The following HYDIN variants were observed in gnomAD, a reference collection of about 807,000 sequenced individuals.
HYDIN encodes the protein axonemal central pair apparatus protein HYDIN.
A neutral mutation model predicts 403.9 loss-of-function variants in HYDIN; 132 were observed. The observed-to-expected ratio is 0.33, with a 90% CI of 0.28 to 0.38. The LOEUF (loss-of-function observed/expected upper bound fraction) is 0.38. HYDIN is among the 10% of genes least tolerant of loss of function. The pLI, the probability that HYDIN is intolerant of heterozygous loss-of-function variation, is 1.00. For missense variants in HYDIN, 2,827 were observed against 5,009.5 expected, an observed-to-expected ratio of 0.56 and a Z score of 13.15; for synonymous variants, 1,202 against 1,891.7, an observed-to-expected ratio of 0.64 and a Z score of 9.46.
At chr16:71,016,706 A>AAAAGCT (rs1182712942) in intron 23 of HYDIN, among the ~76,000 whole-genome samples, 3 of 145,968 alleles carry the variant, frequency 2.1e-5, no homozygotes, top group Non-Finnish European at 4.5e-5. Context: ...AGATGTAGAA[A>AAAAGCT]AAAGCTAAAT....
chr16:71,190,446 A>G (rs2087377758), intron 1 of HYDIN, among the ~76,000 whole-genome samples: 1 of 152,346 alleles, frequency 6.6e-6, no homozygotes, highest in East Asian at 1.9e-4. Flanking sequence ...CTAAAGCACC[A>G]AACTAATTAT....
At chr16:71,025,214 G>C (rs568745166) in intron 21 of HYDIN, among the ~76,000 whole-genome samples, 169 bp downstream of exon 21, 23 of 151,378 alleles carry the variant, frequency 1.5e-4, no homozygotes, top group African/African-American at 5.6e-4. Flanking sequence ...AGGATTGTAG[G>C]TTTAGATTCA....
At chr16:70,866,805 A>C (rs565616824) in intron 66 of HYDIN, among the ~76,000 whole-genome samples, 11 of 152,194 alleles carry the variant, frequency 7.2e-5, no homozygotes, top group African/African-American at 2.6e-4. Context: ...TGGGTGGATC[A>C]CTTGAGGCTA....
chr16:70,810,133 G>C (rs1335294266), intron 84 of HYDIN, 126 bp from the exon 85 acceptor site: 1 of 868,700 alleles, frequency 1.2e-6, no homozygotes. Context: ...TGCTGTTCTT[G>C]CTCCTGGGGA....
At chr16:71,040,355 ATCCTGCTGCTC>A (rs2081245037) in intron 18 of HYDIN, among the ~76,000 whole-genome samples, 1 of 146,348 alleles carries the variant, frequency 6.8e-6, no homozygotes. Flanking sequence ...CAGTGATCTG[ATCCTGCTGCTC>A]TCCTGCTGGG....
At chr16:71,204,268 T>G (rs551427925) in intron 1 of HYDIN, among the ~76,000 whole-genome samples, 4 of 152,308 alleles carry the variant, frequency 2.6e-5, no homozygotes, top group South Asian at 4.2e-4. Context: ...GAATCAGATT[T>G]CCCTTCACAG....
At chr16:71,038,739 C>T (rs1246589423) in intron 18 of HYDIN, among the ~76,000 whole-genome samples, 1 of 152,264 alleles carries the variant, frequency 6.6e-6, no homozygotes, top group Admixed American at 6.5e-5. Context: ...CGGACCACTG[C>T]AACCTCCGCC....
Position 70,920,813 on chromosome 16 carries a change from C to T in HYDIN, c.7563G>A (p.Thr2521=), listed in dbSNP as rs747621797. The change falls in exon 46 of 86, where the codon ACG becomes ACA. Residue 2521 remains threonine, a synonymous_variant. Transcript: ENST00000393567. ...RERERLEKER[T]EKERLEREKA... ...TCTCCCTCTCCAGGCGCTCCTTCTCCGTGCGCTCCTTCTCCAGGCGCTCTC... is the reference window on the plus strand; with the variant it reads ...TCTCCCTCTCCAGGCGCTCCTTCTCTGTGCGCTCCTTCTCCAGGCGCTCTC... 2.9e-5 allele frequency: 45 copies of T among 1,565,900 alleles called. No individual in the cohort carries two copies. Among genetic ancestry groups the T allele is most frequent in the Non-Finnish European group, 3.6e-5 (41 of 1,154,490 alleles).
intron 7 of HYDIN, among the ~76,000 whole-genome samples, chr16:71,142,459 T>C (rs377137638): frequency 7.0e-5 from 2 of 28,728 alleles, no homozygotes; most frequent in Non-Finnish European, 9.9e-5. Context: ...CCCAGAAATA[T>C]AGCAAAAGCT....
At chr16:71,145,761 A>G (rs1391431026) in intron 7 of HYDIN, among the ~76,000 whole-genome samples, 1 of 152,196 alleles carries the variant, frequency 6.6e-6, no homozygotes, top group Non-Finnish European at 1.5e-5. Flanking sequence ...ACGATCTGCT[A>G]TAGTGAAAGA....
intron 1 of HYDIN, among the ~76,000 whole-genome samples, chr16:71,216,941 A>T (rs2088911263): frequency 6.6e-6 from 1 of 152,218 alleles, no homozygotes; most frequent in Non-Finnish European, 1.5e-5. Context: ...TGTATCAGTG[A>T]GGACTAGACA....
intron 10 of HYDIN, among the ~76,000 whole-genome samples, chr16:71,111,581 G>A (rs1225201004): frequency 6.6e-6 from 1 of 150,386 alleles, no homozygotes; most frequent in Non-Finnish European, 1.5e-5. Flanking sequence ...TGTACCAAGC[G>A]GACTATTTAA....
intron 83 of HYDIN, among the ~76,000 whole-genome samples, chr16:70,824,516 T>G (rs1195292465): frequency 6.6e-6 from 1 of 151,804 alleles, no homozygotes; most frequent in Non-Finnish European, 1.5e-5. Context: ...ATCCTTGTAC[T>G]TTCCTCTTTG....
intron 1 of HYDIN, among the ~76,000 whole-genome samples, chr16:71,197,075 C>G (rs973401715): frequency 3.3e-5 from 5 of 152,112 alleles, no homozygotes; most frequent in African/African-American, 4.8e-5. Flanking sequence ...TCCAAGAACC[C>G]TCTCTTGGGG....
chr16:71,157,095 C>T (rs1298426043), intron 6 of HYDIN, among the ~76,000 whole-genome samples: 1 of 149,248 alleles, frequency 6.7e-6, no homozygotes, highest in Non-Finnish European at 1.5e-5. Context: ...TTATTCTAGA[C>T]AGATGCTGGG....
chr16:70,940,758 G>A (rs548454251), intron 43 of HYDIN, among the ~76,000 whole-genome samples: 3 of 152,310 alleles, frequency 2.0e-5, no homozygotes, highest in East Asian at 1.9e-4. Flanking sequence ...CAAGGACTTC[G>A]ACAGCCCAGT....
At chr16:70,820,091 T>A (rs2036139494) in intron 83 of HYDIN, among the ~76,000 whole-genome samples, 1 of 146,850 alleles carries the variant, frequency 6.8e-6, no homozygotes. Context: ...AAGTGCTGAG[T>A]TTACAGGCTT....
intron 21 of HYDIN, among the ~76,000 whole-genome samples, chr16:71,021,279 T>C (rs1239166893): frequency 1.3e-5 from 2 of 151,468 alleles, no homozygotes; most frequent in African/African-American, 4.9e-5. Context: ...TGCAGTGGTG[T>C]GATCTCAGCT....
chr16:71,109,432 G>T (rs1239638182), intron 10 of HYDIN, among the ~76,000 whole-genome samples: 16 of 137,232 alleles, frequency 1.2e-4, no homozygotes, highest in Admixed American at 1.1e-3. Flanking sequence ...TACATGCCAC[G>T]TTTATCTTAA....
Sources: allele counts gnomAD v4.1 joint callset (sites outside exome capture counted in the v4.1 genomes callset), GRCh38; gene constraint gnomAD v4.1.1; transcripts MANE v1.5; gene names NCBI Gene and HGNC (gene_info 2026-07-23, HGNC 2026-07-21).